Variants in RORB observed in about 807,000 individuals in gnomAD.
RORB encodes nuclear receptor ROR-beta.
RORB carries 6 observed loss-of-function variants against 59.1 expected under a neutral mutation model. The observed-to-expected ratio is 0.10, with a 90% CI of 0.06 to 0.20. The LOEUF is 0.20. RORB is among the 10% of genes least tolerant of loss of function. The pLI is 1.00. For synonymous variants in RORB, 215 were observed against 204.5 expected, an observed-to-expected ratio of 1.05 and a Z score of -0.44; for missense variants, 320 against 560.5, an observed-to-expected ratio of 0.57 and a Z score of 4.33.
chr9:74,691,630 G>A lies in RORB; in HGVS notation c.*6012G>A, dbSNP rs1370705106. On this transcript the variant is annotated 3_prime_UTR_variant, in exon 10 of 10. Coordinates refer to ENST00000376896, the MANE Select transcript of RORB (RefSeq NM_006914.4). ...GTAATTTTTGCTGTAAATAACTGGA[G>A]ACGGTGAGTACACTGATTTTTCTAT... 1 of 152,182 alleles carries A rather than the reference G, an allele frequency of 6.6e-6. No homozygotes were observed. Among genetic ancestry groups the A allele is most frequent in the Non-Finnish European group, 1.5e-5 (1 of 68,028 alleles). The allele number at this position is 152,182 out of a possible 1,614,324, so 9.4% of individuals were successfully genotyped here.
At chr9:74,577,116 T>C (rs1419081908) in intron 1 of RORB, among the ~76,000 whole-genome samples, 3 of 152,162 alleles carry the variant, frequency 2.0e-5, no homozygotes, top group Non-Finnish European at 4.4e-5. Flanking sequence ...TGAAAATGTT[T>C]ACCCATTAAA....
intron 1 of RORB, among the ~76,000 whole-genome samples, chr9:74,526,899 G>A (rs1391317979): frequency 6.6e-6 from 1 of 151,940 alleles, no homozygotes; most frequent in Admixed American, 6.6e-5. Flanking sequence ...CTGGACTTAT[G>A]ATTAGAGAGA....
intron 1 of RORB, among the ~76,000 whole-genome samples, chr9:74,509,768 G>A (rs4098047): frequency 0.32 from 48,126 of 151,770 alleles, 7,947 homozygotes; most frequent in Admixed American, 0.41. Context: ...TCATCCTTCT[G>A]TGTTGTGTAC....
chr9:74,520,356 G>A (rs560084900), intron 1 of RORB, among the ~76,000 whole-genome samples: 19 of 151,894 alleles, frequency 1.3e-4, no homozygotes, highest in African/African-American at 4.1e-4. Flanking sequence ...AAGGCAGACT[G>A]ACTGAAAGAA....
At chr9:74,498,797 G>A in intron 1 of RORB, 1 of 162,502 alleles carries the variant, frequency 6.2e-6, no homozygotes, top group Non-Finnish European at 1.3e-5. Context: ...GCACCCTCGG[G>A]CCAGGACCCT....
At position 74,682,399 on chromosome 9, in the gene RORB, G is replaced by A. The variant is rs559479328; in HGVS notation, c.1225-3064G>A. ...GTATACATATGTAACTAACCTGCAC[G>A]TTGTGCACATGTACCCTAAAACTTA... On this transcript the variant is annotated intron_variant, in intron 9 of 9. Coordinates refer to ENST00000376896, the MANE Select transcript of RORB (RefSeq NM_006914.4). 9.2e-5 allele frequency among the ~76,000 whole-genome samples: 14 copies of A among 151,510 alleles called. No individual in the cohort carries two copies. The East Asian group carries it at 1.6e-3, about 17-fold the overall frequency.
chr9:74,586,657 T>C (rs1231777276), intron 1 of RORB, among the ~76,000 whole-genome samples: 3 of 146,644 alleles, frequency 2.0e-5, no homozygotes, highest in African/African-American at 7.6e-5. Context: ...ATTATTTTAT[T>C]CTGGGAATCA....
chr9:74,671,672 C>T (rs1824347833), intron 8 of RORB, 117 bp from the exon 9 acceptor site: 1 of 550,310 alleles, frequency 1.8e-6, no homozygotes, highest in Non-Finnish European at 3.3e-6. Flanking sequence ...GACATGTCTT[C>T]AGAAGCAACT....
chr9:74,555,712 C>G (rs906802597), intron 1 of RORB, among the ~76,000 whole-genome samples: 2 of 152,126 alleles, frequency 1.3e-5, no homozygotes, highest in African/African-American at 4.8e-5. Context: ...CACTGTAATT[C>G]CAATTAGAGC....
At chr9:74,504,218 C>T (rs996780891) in intron 1 of RORB, among the ~76,000 whole-genome samples, 2 of 151,970 alleles carry the variant, frequency 1.3e-5, no homozygotes, top group Non-Finnish European at 2.9e-5. Context: ...CATTGTTGTA[C>T]ACCTTGCATA....
chr9:74,633,740 GTTCATTTTTTACC>G (rs1823656293), intron 2 of RORB, among the ~76,000 whole-genome samples: 1 of 152,156 alleles, frequency 6.6e-6, no homozygotes, highest in Non-Finnish European at 1.5e-5. Context: ...GTCACTGGCA[GTTCATTTTTTACC>G]TGATGAACCC....
intron 7 of RORB, 38 bp downstream of exon 7, chr9:74,665,633 C>T (rs1172747566): frequency 1.6e-6 from 2 of 1,272,674 alleles, no homozygotes; most frequent in East Asian, 2.3e-5. Context: ...TTTTATTAGC[C>T]ACCATCAGTT....
chr9:74,553,317 A>G (rs1454035802), intron 1 of RORB, among the ~76,000 whole-genome samples: 2 of 152,280 alleles, frequency 1.3e-5, no homozygotes, highest in Non-Finnish European at 1.5e-5. Flanking sequence ...CAAACATTTC[A>G]TCTACTTACA....
At position 74,640,116 on chromosome 9, in the gene RORB, T is replaced by C. The variant is rs1348499737; in HGVS notation, c.236-2298T>C. On this transcript the variant is annotated intron_variant, in intron 3 of 9. Coordinates refer to ENST00000376896, the MANE Select transcript of RORB (RefSeq NM_006914.4). ...CACTAAGATGGAAAGGGGAGTTTAG[T>C]CTGAATGAGTCAGATTGTTTGTCTT... Among the ~76,000 whole-genome samples the C allele has an allele frequency of 2.6e-5, 4 of 152,298 alleles. No homozygotes were observed. The East Asian group carries it at 7.7e-4, about 29-fold the overall frequency.
intron 1 of RORB, among the ~76,000 whole-genome samples, chr9:74,503,014 A>T (rs2118016633): frequency 6.6e-6 from 1 of 152,238 alleles, no homozygotes; most frequent in East Asian, 1.9e-4. Flanking sequence ...ATTTATTGTG[A>T]TGTTAAAATA....
At chr9:74,682,621 C>A (rs1008374352) in intron 9 of RORB, among the ~76,000 whole-genome samples, 1 of 152,144 alleles carries the variant, frequency 6.6e-6, no homozygotes, top group East Asian at 1.9e-4. Context: ...ATTACTTGAC[C>A]CCCACCAAAC....
At chr9:74,673,250 G>A (rs750674795) in intron 9 of RORB, among the ~76,000 whole-genome samples, 2 of 152,224 alleles carry the variant, frequency 1.3e-5, no homozygotes, top group East Asian at 1.9e-4. Flanking sequence ...GCTTGGTAGC[G>A]TATATGCATA....
chr9:74,613,153 A>G (rs1206426284), intron 1 of RORB, among the ~76,000 whole-genome samples: 3 of 152,214 alleles, frequency 2.0e-5, no homozygotes, highest in Admixed American at 6.5e-5. Flanking sequence ...ATGAAGATTC[A>G]TATTGAACTA....
Position 74,524,372 on chromosome 9 carries a change from G to A in RORB, c.7+26389G>A, listed in dbSNP as rs149701704. On this transcript the variant is annotated intron_variant, in intron 1 of 9. Transcript: ENST00000376896. ...AATTGGGTAAAAACTTGCCTTGAGTGATTGATACTACAGCAGAGTCATTAT... is the reference window on the plus strand; with the variant it reads ...AATTGGGTAAAAACTTGCCTTGAGTAATTGATACTACAGCAGAGTCATTAT... Among the ~76,000 whole-genome samples, 26 of 151,984 alleles carry A rather than the reference G, an allele frequency of 1.7e-4. No homozygotes were observed. The East Asian group carries it at 4.9e-3, about 28-fold the overall frequency.
Sources: gnomAD v4.1 joint callset for allele counts (sites outside exome capture counted in the v4.1 genomes callset) on GRCh38, gnomAD v4.1.1 for gene constraint, MANE v1.5 for transcripts, NCBI Gene and HGNC (gene_info 2026-07-23, HGNC 2026-07-21) for gene names.